Variants in CTBP2 observed in about 807,000 individuals in gnomAD.
CTBP2 encodes C-terminal-binding protein 2.
CTBP2 carries 30 observed loss-of-function variants against 80.3 expected under a neutral mutation model. The observed-to-expected ratio is 0.37, with a 90% CI of 0.28 to 0.51. The LOEUF (loss-of-function observed/expected upper bound fraction) is 0.51. Ranked by LOEUF, CTBP2 falls within the 20% of genes least tolerant of loss-of-function variation. CTBP2 has a pLI of 0.93. For missense variants in CTBP2, 1,212 were observed against 1,375.3 expected (o/e 0.88, Z 1.88); for synonymous variants, 594 against 587.4 (o/e 1.01, Z -0.16).
chr10:125,096,744 A>G (rs750176821), intron 2 of CTBP2, among the ~76,000 whole-genome samples: 3 of 124,892 alleles, frequency 2.4e-5, no homozygotes, highest in Non-Finnish European at 3.2e-5. Flanking sequence ...AAATAGCTCA[A>G]AGAGACTTGT....
At chr10:125,057,569 T>C (rs941433859) in intron 2 of CTBP2, among the ~76,000 whole-genome samples, 1 of 152,232 alleles carries the variant, frequency 6.6e-6, no homozygotes, top group Non-Finnish European at 1.5e-5. Flanking sequence ...GTATCCCTTT[T>C]CCAGGCCACA....
At chr10:125,096,788 T>TG (rs1203837294) in intron 2 of CTBP2, among the ~76,000 whole-genome samples, 166 of 45,810 alleles carry the variant, frequency 3.6e-3, no homozygotes, top group Non-Finnish European at 5.8e-3. Context: ...AATGGGGGGG[T>TG]GGGGGGGAGA....
chr10:125,051,377 C>T (rs538321858), intron 2 of CTBP2, among the ~76,000 whole-genome samples: 1 of 152,322 alleles, frequency 6.6e-6, no homozygotes, highest in South Asian at 2.1e-4. Flanking sequence ...TGGTGGCTCA[C>T]GCCTGTAATC....
rs1046037770 is a variant in CTBP2, at chr10:125,066,418, T to C, written c.-101-27263A>G. Among the ~76,000 whole-genome samples, 8 of 151,848 alleles carry C rather than the reference T, an allele frequency of 5.3e-5. No individual in the cohort carries two copies. The South Asian group carries it at 1.2e-3, about 24-fold the overall frequency. ...AGGTGCATGCACCATGCTAGGTGAG[T>C]GCAGGGCAGGAACGGAAGGCAAGCA... On this transcript the variant is annotated intron_variant, in intron 2 of 10. Transcript: ENST00000337195. This position sits in a 1 kb window ranked among gnomAD's most constrained non-coding sequence, Gnocchi z 4.1.
At chr10:125,062,248 AG>A (rs1403373507) in intron 2 of CTBP2, among the ~76,000 whole-genome samples, 2 of 114,708 alleles carry the variant, frequency 1.7e-5, no homozygotes, top group Non-Finnish European at 4.0e-5. Flanking sequence ...GGGGGGACAC[AG>A]GGGTGCTCTC....
chr10:125,097,598 C>T (rs552245443), intron 2 of CTBP2, among the ~76,000 whole-genome samples: 6 of 152,228 alleles, frequency 3.9e-5, no homozygotes, highest in South Asian at 2.1e-4. Flanking sequence ...GCATGCCTCA[C>T]GTGGGGTCCA....
At chr10:124,994,725 C>T (rs762824848) in intron 4 of CTBP2, 42 bp from the exon 7 acceptor site, 37 of 1,588,770 alleles carry the variant, frequency 2.3e-5, no homozygotes, top group Non-Finnish European at 2.7e-5. Flanking sequence ...GTCCACAGCC[C>T]GCGCCCCAGC....
chr10:125,151,838 T>C (rs1423341551), intron 1 of CTBP2, among the ~76,000 whole-genome samples: 2 of 152,118 alleles, frequency 1.3e-5, no homozygotes, highest in East Asian at 3.9e-4. Flanking sequence ...GGCGTCTAGC[T>C]GGACCCCCGC....
chr10:125,056,904 A>C (rs1396605753), intron 2 of CTBP2, among the ~76,000 whole-genome samples: 1 of 152,222 alleles, frequency 6.6e-6, no homozygotes, highest in African/African-American at 2.4e-5. Context: ...CCACAGGCAG[A>C]GCTCTGGAAG....
chr10:125,037,989 G>C (rs2028395), intron 3 of CTBP2, among the ~76,000 whole-genome samples: 67,311 of 151,930 alleles, frequency 0.44, 15,185 homozygotes, highest in Admixed American at 0.54. Flanking sequence ...TTTATAATTT[G>C]TGAATGTTTA....
chr10:125,045,690 C>T (rs1961057650), intron 2 of CTBP2, among the ~76,000 whole-genome samples: 1 of 152,136 alleles, frequency 6.6e-6, no homozygotes, highest in Non-Finnish European at 1.5e-5. Context: ...AGGGTTTCAC[C>T]ACGTTGGCCA....
chr10:125,099,038 G>A (rs1168067684), intron 2 of CTBP2, among the ~76,000 whole-genome samples: 1 of 152,222 alleles, frequency 6.6e-6, no homozygotes, highest in Non-Finnish European at 1.5e-5. Flanking sequence ...CTGCAAGCAT[G>A]GAGTCTAGGG....
chr10:125,098,530 G>T (rs1849908257), intron 2 of CTBP2, among the ~76,000 whole-genome samples: 1 of 152,076 alleles, frequency 6.6e-6, no homozygotes, highest in South Asian at 2.1e-4. Flanking sequence ...ATGCTTCCGA[G>T]GATGGGGGTT....
At chr10:125,022,966 T>C (rs982041573) in intron 1 of CTBP2, among the ~76,000 whole-genome samples, 9 of 152,184 alleles carry the variant, frequency 5.9e-5, no homozygotes, top group African/African-American at 2.2e-4. Flanking sequence ...CTAAAATTAT[T>C]GATGGAGGTG....
intron 1 of CTBP2, among the ~76,000 whole-genome samples, chr10:125,131,898 A>G (rs1856248405): frequency 6.6e-6 from 1 of 152,220 alleles, no homozygotes; most frequent in Admixed American, 6.5e-5. Context: ...CCATGTGGGA[A>G]CTATCATGGA....
At position 124,997,882 on chromosome 10, in the gene CTBP2, G is replaced by C. The variant is rs546125447; in HGVS notation, c.2185+82C>G. 1.0e-3 allele frequency: 1,449 copies of C among 1,436,974 alleles called. 18 individuals carry two copies. The highest frequency in any genetic ancestry group is 6.0e-3 in the East Asian group (263 of 43,622). 89.0% of individuals were successfully genotyped at this position (1,436,974 alleles called of 1,614,324 possible). Reference sequence around the variant, plus strand: ...GCCCTGGCTCCTCAAGAGCAGGCTGGGGTTGCCTTTCCCGAGGGGTCCCCA... The same window carrying C: ...GCCCTGGCTCCTCAAGAGCAGGCTGCGGTTGCCTTTCCCGAGGGGTCCCCA... On this transcript the variant is annotated intron_variant, in intron 4 of 8. Transcript: ENST00000309035.
At chr10:125,025,469 G>C (rs1178362675) in intron 1 of CTBP2, among the ~76,000 whole-genome samples, 1 of 152,188 alleles carries the variant, frequency 6.6e-6, no homozygotes, top group African/African-American at 2.4e-5. Context: ...TGTATTTTCT[G>C]ATATGAGAGA....
In CTBP2 at chr10:125,027,219, T is replaced by G. The variant is rs1349592778; in HGVS notation, c.541A>C (p.Ser181Arg). ...TACCGCCCGGGAGATGCAGCCCTGC[T>G]CTGTGTCTGCCGCCCCTGAGGGATC... Residue 181 changes from serine to arginine, a missense_variant, in exon 1 of 9, where the codon AGC becomes CGC. Transcript: ENST00000309035. 6.2e-7 allele frequency: 1 copy of G among 1,613,148 alleles called. No homozygotes were observed. The highest frequency in any genetic ancestry group is 1.1e-5 in the South Asian group (1 of 91,072).
intron 1 of CTBP2, among the ~76,000 whole-genome samples, chr10:125,119,890 C>G (rs1423503084): frequency 6.6e-6 from 1 of 152,326 alleles, no homozygotes; most frequent in African/African-American, 2.4e-5. Flanking sequence ...GCTGCTTTGC[C>G]TTGCAGGTTT....
Sources: gnomAD v4.1 joint callset for allele counts (sites outside exome capture counted in the v4.1 genomes callset) on GRCh38, gnomAD v4.1.1 for gene constraint, Gnocchi (gnomAD v3.1) non-coding constraint, MANE v1.5 for transcripts, NCBI Gene and HGNC (gene_info 2026-07-23, HGNC 2026-07-21) for gene names.